Variants in MYO18B observed in about 807,000 individuals in gnomAD.
The protein encoded by MYO18B is unconventional myosin-XVIIIb.
In MYO18B, 204 loss-of-function variants were observed where a neutral mutation model predicts 273.0. The observed-to-expected ratio is 0.75, with a 90% confidence interval of 0.67 to 0.84. The LOEUF (loss-of-function observed/expected upper bound fraction) is 0.84. Among genes scored for constraint, MYO18B ranks in the 40% least tolerant of loss-of-function variants. The probability of loss-of-function intolerance (pLI) is 0.00; values close to 1 mark genes in which losing one functional copy is unlikely to be tolerated. For missense variants in MYO18B, 3,212 were observed against 3,287.6 expected (o/e 0.98, Z 0.56); for synonymous variants, 1,330 against 1,305.7 (o/e 1.02, Z -0.40).
At chr22:25,867,915 GCCA>G (rs1784118965) in intron 21 of MYO18B, among the ~76,000 whole-genome samples, 1 of 152,240 alleles carries the variant, frequency 6.6e-6, no homozygotes, top group South Asian at 2.1e-4. Flanking sequence ...ACAGCCGTGA[GCCA>G]CCGCGCCCGG....
the MYO18B span, among the ~76,000 whole-genome samples, chr22:26,052,876 C>T: frequency 4.1e-4 from 62 of 150,358 alleles, no homozygotes; most frequent in African/African-American, 1.5e-3. Flanking sequence ...GATCTCGGCT[C>T]ACTGCAAGCT....
Position 25,947,779 on chromosome 22 carries a change from A to G in MYO18B, c.5699A>G (p.Gln1900Arg), listed in dbSNP as rs769908555. The G allele has an allele frequency of 4.0e-5, 64 of 1,613,802 alleles. No homozygotes were observed. The highest frequency in any genetic ancestry group is 4.7e-5 in the Non-Finnish European group (55 of 1,179,894). ...ADLLKRIDED[Q>R]DDLNELMQKH... ...CTCCTGAAGCGCATCGATGAGGACC[A>G]GGATGACCTGAATGAGCTGATGCAG... The change falls in exon 36 of 44, where the codon CAG becomes CGG. Residue 1900 changes from glutamine to arginine, a missense_variant. By Grantham distance (43) the Gln-to-Arg change is conservative. Coordinates refer to ENST00000335473, the MANE Select transcript of MYO18B (RefSeq NM_032608.7).
chr22:25,771,657 G>A (rs980152941), intron 6 of MYO18B, among the ~76,000 whole-genome samples: 1 of 151,950 alleles, frequency 6.6e-6, no homozygotes, highest in Admixed American at 6.6e-5. Flanking sequence ...CTCCCGCGTT[G>A]GGCATTTACA....
Position 25,891,886 on chromosome 22 carries a change from G to A in MYO18B, c.4543+474G>A, listed in dbSNP as rs60936138. Among the ~76,000 whole-genome samples the A allele has an allele frequency of 2.2e-3, 334 of 152,220 alleles. 1 individual carries two copies. Among genetic ancestry groups the A allele is most frequent in the African/African-American group, 7.5e-3 (311 of 41,516 alleles). On this transcript the variant is annotated intron_variant, in intron 27 of 43. Transcript: ENST00000335473. ...TACAAAAAATTTAAAAAATTAGCCT[G>A]GTGTGGTGGCATGCACCTGAAGTCC...
At chr22:26,004,248 CAG>C (rs976561581) in intron 41 of MYO18B, among the ~76,000 whole-genome samples, 3 of 148,928 alleles carry the variant, frequency 2.0e-5, no homozygotes, top group African/African-American at 5.0e-5. Flanking sequence ...CTTTCAGAAT[CAG>C]GGGACATAAA....
chr22:25,857,865 C>G (rs1475507668), intron 21 of MYO18B, among the ~76,000 whole-genome samples: 1 of 152,240 alleles, frequency 6.6e-6, no homozygotes, highest in Non-Finnish European at 1.5e-5. Flanking sequence ...GTTGGCCAGG[C>G]TGGTCTTGAA....
intron 42 of MYO18B, among the ~76,000 whole-genome samples, chr22:26,007,817 A>G (rs901646228): frequency 2.0e-5 from 3 of 152,194 alleles, no homozygotes; most frequent in Non-Finnish European, 4.4e-5. Context: ...TTAATTGCAC[A>G]AGCAATCTAT....
downstream of MYO18B, among the ~76,000 whole-genome samples, chr22:26,034,534 C>T (rs1171229480): frequency 2.6e-5 from 4 of 151,566 alleles, no homozygotes; most frequent in Admixed American, 2.6e-4. Context: ...CATCATTGTT[C>T]TTTGGTCTCA....
intron 15 of MYO18B, among the ~76,000 whole-genome samples, chr22:25,832,665 G>A (rs1269016587): frequency 6.6e-6 from 1 of 152,160 alleles, no homozygotes; most frequent in Admixed American, 6.5e-5. Context: ...GAAAGATGAA[G>A]AAAGTTCTGG....
intron 39 of MYO18B, among the ~76,000 whole-genome samples, chr22:25,962,367 G>A (rs892592486): frequency 5.9e-5 from 9 of 152,074 alleles, no homozygotes; most frequent in East Asian, 5.8e-4. Flanking sequence ...TACTTGACTC[G>A]GGCTGCAACC....
At chr22:25,794,543 C>T (rs548441986) in intron 11 of MYO18B, among the ~76,000 whole-genome samples, 1 of 151,686 alleles carries the variant, frequency 6.6e-6, no homozygotes, top group African/African-American at 2.4e-5. Context: ...CTCACTCTGT[C>T]ACCCAGGCTG....
chr22:25,855,501 T>C (rs971281237), intron 21 of MYO18B, among the ~76,000 whole-genome samples: 4 of 152,152 alleles, frequency 2.6e-5, no homozygotes, highest in Non-Finnish European at 4.4e-5. Context: ...GCCAGGATGA[T>C]CTCGATCTGA....
intron 30 of MYO18B, among the ~76,000 whole-genome samples, 152 bp from the exon 31 acceptor site, chr22:25,903,479 C>T (rs1013216146): frequency 2.0e-5 from 3 of 152,178 alleles, no homozygotes; most frequent in Non-Finnish European, 2.9e-5. Flanking sequence ...CCACAGGGGG[C>T]GCTGTGAGGG....
intron 34 of MYO18B, among the ~76,000 whole-genome samples, chr22:25,926,208 A>G (rs2092419100): frequency 6.6e-6 from 1 of 152,064 alleles, no homozygotes; most frequent in African/African-American, 2.4e-5. Context: ...GCGTCTCAAA[A>G]AGAAAAGAAA....
At chr22:25,922,626 C>T (rs1177341385) in intron 34 of MYO18B, among the ~76,000 whole-genome samples, 2 of 152,154 alleles carry the variant, frequency 1.3e-5, no homozygotes, top group African/African-American at 2.4e-5. Context: ...GGTTACTGTC[C>T]CTTCCTCCAG....
At chr22:25,911,776 T>A (rs996964824) in intron 33 of MYO18B, among the ~76,000 whole-genome samples, 4 of 152,150 alleles carry the variant, frequency 2.6e-5, no homozygotes, top group African/African-American at 7.2e-5. Flanking sequence ...TCAACTTCCC[T>A]CACTACTGAG....
At chr22:25,851,158 C>A (rs899415707) in intron 20 of MYO18B, among the ~76,000 whole-genome samples, 2 of 152,186 alleles carry the variant, frequency 1.3e-5, no homozygotes, top group Non-Finnish European at 2.9e-5. Flanking sequence ...GTTCTCAGAG[C>A]CTTTGACTTG....
At chr22:26,017,882 A>G (rs568724265) in intron 42 of MYO18B, among the ~76,000 whole-genome samples, 36 of 150,412 alleles carry the variant, frequency 2.4e-4, no homozygotes, top group Non-Finnish European at 3.7e-4. Flanking sequence ...TGTTTTTCTT[A>G]TTATTAACAT....
intron 42 of MYO18B, among the ~76,000 whole-genome samples, chr22:26,013,390 T>C (rs568761771): frequency 1.3e-5 from 2 of 152,270 alleles, no homozygotes. Flanking sequence ...GAAACCACAG[T>C]CAATAATATG....
Sources: gnomAD v4.1 joint callset for allele counts (sites outside exome capture counted in the v4.1 genomes callset) on GRCh38, gnomAD v4.1.1 for gene constraint, MANE v1.5 for transcripts, NCBI Gene and HGNC (gene_info 2026-07-23, HGNC 2026-07-21) for gene names.